Variants in AS3MT observed in about 807,000 individuals in gnomAD.
AS3MT encodes the protein S-adenosyl-L-methionine:arsenic(III) methyltransferase.
A neutral mutation model predicts 45.3 loss-of-function variants in AS3MT; 47 were observed. That is an observed-to-expected ratio of 1.04 (90% CI 0.82 to 1.32). The LOEUF is 1.32. AS3MT is among the 40% of genes most tolerant of loss of function. The pLI is 0.00. For missense variants in AS3MT, 396 were observed against 451.1 expected, an observed-to-expected ratio of 0.88 and a Z score of 1.11; for synonymous variants, 141 against 152.8, an observed-to-expected ratio of 0.92 and a Z score of 0.57.
intron 3 of AS3MT, among the ~76,000 whole-genome samples, chr10:102,871,969 GC>G (rs774072754): frequency 2.6e-5 from 4 of 151,880 alleles, no homozygotes; most frequent in East Asian, 3.9e-4. Context: ...TGCAACCTCT[GC>G]CTCCTGGGTT....
chr10:102,900,220 T>C (rs1357782189), intron 10 of AS3MT, among the ~76,000 whole-genome samples: 1 of 152,244 alleles, frequency 6.6e-6, no homozygotes, highest in Non-Finnish European at 1.5e-5. Context: ...GGTATAAATG[T>C]TTCTGGAGAT....
intron 9 of AS3MT, among the ~76,000 whole-genome samples, chr10:102,882,838 G>T (rs557380808): frequency 6.6e-6 from 1 of 151,232 alleles, no homozygotes; most frequent in East Asian, 2.0e-4. Flanking sequence ...TAATCTACCC[G>T]CCTCGGCCTC....
intron 10 of AS3MT, among the ~76,000 whole-genome samples, chr10:102,894,375 A>C (rs1180954501): frequency 6.6e-6 from 1 of 152,096 alleles, no homozygotes; most frequent in East Asian, 1.9e-4. Context: ...GTGAGCCGAG[A>C]TCATGCCACT....
intron 9 of AS3MT, among the ~76,000 whole-genome samples, chr10:102,882,120 T>G (rs1027402572): frequency 6.6e-6 from 1 of 151,954 alleles, no homozygotes; most frequent in Non-Finnish European, 1.5e-5. Context: ...TTTGTATTTT[T>G]AGTAGAGTTG....
chr10:102,900,582 C>T lies in AS3MT; in HGVS notation c.1021-11C>T. 1.9e-6 allele frequency: 3 copies of T among 1,602,304 alleles called. No individual in the cohort carries two copies. The highest frequency in any genetic ancestry group is 2.6e-6 in the Non-Finnish European group (3 of 1,169,464). On this transcript the variant is annotated splice_polypyrimidine_tract_variant and intron_variant, in intron 10 of 10. Coordinates refer to ENST00000369880, the MANE Select transcript of AS3MT (RefSeq NM_020682.4). ...TAACTTGTCCTTTCATTTTGGTTTG[C>T]CTTTTGACAGGATATAATCACAGAT...
rs1845269934 is a variant in AS3MT, at chr10:102,901,517, A to G, written c.*817A>G. On this transcript the variant is annotated 3_prime_UTR_variant, in exon 11 of 11. Transcript: ENST00000369880. ...CATAAATGAATTATTTTTAAGAGGC[A>G]TTGATTAAAGATTCACAGCAAATCA... The G allele has an allele frequency of 6.6e-6, 1 of 152,188 alleles. No homozygotes were observed. Among genetic ancestry groups the G allele is most frequent in the African/African-American group, 2.4e-5 (1 of 41,442 alleles). The allele number at this position is 152,188 out of a possible 1,614,324, so 9.4% of individuals were successfully genotyped here.
At chr10:102,890,060 G>T (rs1485111174) in intron 9 of AS3MT, among the ~76,000 whole-genome samples, 1 of 150,168 alleles carries the variant, frequency 6.7e-6, no homozygotes, top group Non-Finnish European at 1.5e-5. Context: ...GAGTGCAGTG[G>T]CACGATCTCG....
chr10:102,878,598 T>C, intron 8 of AS3MT, 88 bp downstream of exon 8: 4 of 1,511,046 alleles, frequency 2.6e-6, no homozygotes, highest in Non-Finnish European at 2.7e-6. Flanking sequence ...TGAAGGAGTC[T>C]CATTGAGGGA....
At chr10:102,882,741 C>T (rs1288263392) in intron 9 of AS3MT, among the ~76,000 whole-genome samples, 5 of 152,082 alleles carry the variant, frequency 3.3e-5, no homozygotes, top group Non-Finnish European at 5.9e-5. Flanking sequence ...CAGGCGTGTG[C>T]CACCACACCC....
chr10:102,900,636 G>A lies in AS3MT; in HGVS notation c.1064G>A (p.Ser355Asn), dbSNP rs781065600. 3.7e-6 allele frequency: 6 copies of A among 1,614,156 alleles called. No homozygotes were observed. Among genetic ancestry groups the A allele is most frequent in the Non-Finnish European group, 4.2e-6 (5 of 1,179,998 alleles). ...TTTAAGCTTGCAGAAGAGTCTGACAGTATGAAGTCCAGATGTGTCCCTGAT... is the reference window on the plus strand; with the variant it reads ...TTTAAGCTTGCAGAAGAGTCTGACAATATGAAGTCCAGATGTGTCCCTGAT... ...DPFKLAEESDSMKSRCVPDAA... is the reference protein window; with the variant it reads ...DPFKLAEESDNMKSRCVPDAA... The change falls in exon 11 of 11, where the codon AGT (serine) becomes AAT (asparagine). Residue 355 changes from serine (S) to asparagine (N), a missense_variant. Transcript: ENST00000369880.
In AS3MT at chr10:102,881,468, A is replaced by G. The variant is rs1207883538; in HGVS notation, c.885+2477A>G. 2.6e-5 allele frequency among the ~76,000 whole-genome samples: 4 copies of G among 152,232 alleles called. No homozygotes were observed. The highest frequency in any genetic ancestry group is 7.2e-5 in the African/African-American group (3 of 41,454). ...TACTCATTAGATGCTAATCTCATTT[A>G]CTGAGGAACACAGAATTGTATATGT... On this transcript the variant is annotated intron_variant, in intron 9 of 10. Coordinates refer to ENST00000369880, the MANE Select transcript of AS3MT (RefSeq NM_020682.4). This position sits in a 1 kb window ranked among gnomAD's most constrained non-coding sequence, Gnocchi z 4.2.
At chr10:102,880,914 T>A (rs1590222580) in intron 9 of AS3MT, among the ~76,000 whole-genome samples, 1 of 152,200 alleles carries the variant, frequency 6.6e-6, no homozygotes, top group East Asian at 1.9e-4. Context: ...AAATATAAAA[T>A]TTAGTCAACT....
intron 4 of AS3MT, 79 bp downstream of exon 4, chr10:102,872,677 C>G: frequency 6.9e-7 from 1 of 1,448,858 alleles, no homozygotes; most frequent in Non-Finnish European, 9.3e-7. Flanking sequence ...TTCTTCGTGG[C>G]TCTTCAAGGA....
At chr10:102,900,543 C>T (rs2134137268) in intron 10 of AS3MT, 50 bp from the exon 11 acceptor site, 2 of 1,311,244 alleles carry the variant, frequency 1.5e-6, no homozygotes, top group South Asian at 1.2e-5. Context: ...TGTTTGGGTA[C>T]ATCAAAACAC....
chr10:102,898,243 C>G (rs1204455832), intron 10 of AS3MT, among the ~76,000 whole-genome samples: 1 of 151,782 alleles, frequency 6.6e-6, no homozygotes, highest in Non-Finnish European at 1.5e-5. Context: ...TCTTCATCTT[C>G]TTTTTAATCC....
intron 10 of AS3MT, among the ~76,000 whole-genome samples, chr10:102,896,921 A>T (rs1845183031): frequency 6.6e-6 from 1 of 152,170 alleles, no homozygotes; most frequent in Non-Finnish European, 1.5e-5. Context: ...AAGTAGACAG[A>T]TTTGGCTTTT....
chr10:102,881,531 A>T lies in AS3MT; in HGVS notation c.885+2540A>T, dbSNP rs918573500. Among the ~76,000 whole-genome samples, 1 of 152,228 alleles carries T rather than the reference A, an allele frequency of 6.6e-6. No homozygotes were observed. Among genetic ancestry groups the T allele is most frequent in the Non-Finnish European group, 1.5e-5 (1 of 68,046 alleles). On this transcript the variant is annotated intron_variant, in intron 9 of 10. Transcript: ENST00000369880. This position sits in a 1 kb window ranked among gnomAD's most constrained non-coding sequence, Gnocchi z 4.2. Reference sequence around the variant, plus strand: ...TTATTTATTACTTGGGTAAACTTGAACAAGTCACCAAAATTCGTTGGGTTA... The same window carrying T: ...TTATTTATTACTTGGGTAAACTTGATCAAGTCACCAAAATTCGTTGGGTTA...
chr10:102,891,767 T>A (rs1845073996), intron 10 of AS3MT, among the ~76,000 whole-genome samples: 2 of 151,622 alleles, frequency 1.3e-5, no homozygotes, highest in Admixed American at 1.3e-4. Context: ...GGGTAACATG[T>A]TGAAACCCTG....
At position 102,888,871 on chromosome 10, in the gene AS3MT, ATATATATATATTTT is replaced by A. The variant is rs1216973563; in HGVS notation, c.886-1671_886-1658del. ...AAACCCTATATATATATATATATAT[ATATATATATATTTT>A]TTTTTTTTTTTTTGAGACGGAGTCT... is the stretch of plus-strand genomic sequence containing the variant. On this transcript the variant is annotated intron_variant, in intron 9 of 10. Transcript: ENST00000369880. Among the ~76,000 whole-genome samples the A allele has an allele frequency of 6.9e-3, 484 of 69,676 alleles. 17 individuals carry two copies. In the East Asian group the frequency reaches 0.16, roughly 23 times the overall value. 45.7% of individuals were successfully genotyped at this position (69,676 alleles called of 152,430 possible).
Sources: gnomAD v4.1 joint callset for allele counts (sites outside exome capture counted in the v4.1 genomes callset) on GRCh38, gnomAD v4.1.1 for gene constraint, Gnocchi (gnomAD v3.1) non-coding constraint, MANE v1.5 for transcripts, NCBI Gene and HGNC (gene_info 2026-07-23, HGNC 2026-07-21) for gene names.